Variants in TNS1 observed in about 807,000 individuals in gnomAD.
TNS1 encodes tensin-1.
In TNS1, 62 loss-of-function variants were observed where a neutral mutation model predicts 168.6. The observed-to-expected ratio is 0.37, with a 90% CI of 0.30 to 0.45. The LOEUF (loss-of-function observed/expected upper bound fraction) is 0.45, where lower values mean the gene tolerates loss of function less well. Among genes scored for constraint, TNS1 ranks in the 20% least tolerant of loss-of-function variants. The probability of loss-of-function intolerance (pLI) is 1.00; values close to 1 mark genes in which losing one functional copy is unlikely to be tolerated. For synonymous variants in TNS1, 934 were observed against 933.2 expected (o/e 1.00, Z -0.02); for missense variants, 2,240 against 2,339.4 (o/e 0.96, Z 0.88).
intron 23 of TNS1, among the ~76,000 whole-genome samples, chr2:217,820,390 G>A (rs997018792): frequency 6.6e-6 from 1 of 152,204 alleles, no homozygotes; most frequent in Non-Finnish European, 1.5e-5. Flanking sequence ...AACGCAGGCT[G>A]CTGCCTGTTA....
Position 217,848,725 on chromosome 2 carries a change from C to T in TNS1, c.1792G>A (p.Val598Met). The change falls in exon 19 of 33, where the codon GTG becomes ATG. Residue 598 changes from valine (V) to methionine (M), a missense_variant. By Grantham distance (21) the Val-to-Met change is conservative. Coordinates refer to ENST00000682258, the MANE Select transcript of TNS1 (RefSeq NM_001387777.1). Reference sequence around the variant, plus strand: ...ACAACGTGGCGTCCAGAGGAGGGCACAGCCGAGCCCCCTGCTGGGCGGGAC... The same window carrying T: ...ACAACGTGGCGTCCAGAGGAGGGCATAGCCGAGCCCCCTGCTGGGCGGGAC... ...LRSRPAGGSA[V>M]PSSGRHVVPA... is the part of the protein sequence containing the mutation. 6.2e-7 allele frequency: 1 copy of T among 1,614,230 alleles called. No individual in the cohort carries two copies. The highest frequency in any genetic ancestry group is 8.5e-7 in the Non-Finnish European group (1 of 1,180,036).
At chr2:217,926,902 G>T (rs184648336) in intron 3 of TNS1, among the ~76,000 whole-genome samples, 1 of 152,228 alleles carries the variant, frequency 6.6e-6, no homozygotes, top group African/African-American at 2.4e-5. Flanking sequence ...CACCTGTCAC[G>T]CTGCCTCTAC....
chr2:217,934,479 C>T (rs149233122), intron 3 of TNS1, among the ~76,000 whole-genome samples: 3 of 152,336 alleles, frequency 2.0e-5, no homozygotes, highest in Admixed American at 2.0e-4. Flanking sequence ...CCATTACTCA[C>T]AACTGTTACT....
Position 217,893,023 on chromosome 2 carries a change from C to T in TNS1, c.718-11G>A. ...CCTGCCTCGGTTTCCCTGAAAGAGC[C>T]CCAAACACAAAATCATTTATTTCTA... On this transcript the variant is annotated splice_polypyrimidine_tract_variant and intron_variant, in intron 10 of 32. Transcript: ENST00000682258. The T allele has an allele frequency of 1.2e-6, 2 of 1,614,008 alleles. No homozygotes were observed. Among genetic ancestry groups the T allele is most frequent in the Non-Finnish European group, 1.7e-6 (2 of 1,179,902 alleles).
chr2:217,891,142 G>T, intron 11 of TNS1, 97 bp from the exon 12 acceptor site: 1 of 1,160,630 alleles, frequency 8.6e-7, no homozygotes, highest in Non-Finnish European at 1.3e-6. Context: ...AGAGCACTCT[G>T]GCCAAAGAGC....
Position 217,803,516 on chromosome 2 carries a change from T to G in TNS1, c.*943A>C, listed in dbSNP as rs920645690. ...CTCAACAGCTGCCTGTTCTGACAGA[T>G]CTCTTCCTATGGATACACATATCTC... On this transcript the variant is annotated 3_prime_UTR_variant, in exon 33 of 33. Coordinates refer to ENST00000682258, the MANE Select transcript of TNS1 (RefSeq NM_001387777.1). The G allele has an allele frequency of 6.6e-6, 1 of 152,598 alleles. No individual in the cohort carries two copies. Among genetic ancestry groups the G allele is most frequent in the African/African-American group, 2.4e-5 (1 of 41,434 alleles). The allele number at this position is 152,598 out of a possible 1,614,324, so 9.5% of individuals were successfully genotyped here. A position where few individuals can be genotyped will look rare whatever the true frequency, so the allele number is the denominator to read the frequency against.
intron 5 of TNS1, among the ~76,000 whole-genome samples, chr2:217,906,745 C>T (rs1373487215): frequency 3.3e-5 from 5 of 152,162 alleles, no homozygotes; most frequent in African/African-American, 1.2e-4. Context: ...TGCTGGCCAT[C>T]GCCAGGAGAT....
intron 3 of TNS1, among the ~76,000 whole-genome samples, chr2:217,922,995 C>G (rs1443617186): frequency 6.6e-6 from 1 of 152,182 alleles, no homozygotes; most frequent in African/African-American, 2.4e-5. Context: ...TCTCCGGCAC[C>G]CTGGCCCCTG....
intron 13 of TNS1, 110 bp downstream of exon 13, chr2:217,886,424 T>C: frequency 1.1e-6 from 1 of 870,602 alleles, no homozygotes; most frequent in South Asian, 1.5e-5. Context: ...GCCTTATGAC[T>C]CTGCAGCTCT....
intron 1 of TNS1, among the ~76,000 whole-genome samples, chr2:218,022,288 T>C (rs1238508367): frequency 6.6e-6 from 1 of 152,008 alleles, no homozygotes; most frequent in East Asian, 1.9e-4. Flanking sequence ...GGAGAGTCAA[T>C]GTCCTGGCCC....
At chr2:217,809,349 A>G in intron 30 of TNS1, among the ~76,000 whole-genome samples, 1 of 52,112 alleles carries the variant, frequency 1.9e-5, no homozygotes, top group African/African-American at 1.0e-4. Flanking sequence ...GGATGGATGC[A>G]TGGATGGATG....
intron 3 of TNS1, among the ~76,000 whole-genome samples, chr2:217,955,203 C>T (rs1957332092): frequency 6.6e-6 from 1 of 152,224 alleles, no homozygotes; most frequent in South Asian, 2.1e-4. Flanking sequence ...GTGTCTCACC[C>T]CCGTGGGTTC....
intron 1 of TNS1, among the ~76,000 whole-genome samples, chr2:218,031,310 TGA>T (rs1958896217): frequency 7.0e-6 from 1 of 142,402 alleles, no homozygotes; most frequent in African/African-American, 2.8e-5. Flanking sequence ...TCTTTGTGTA[TGA>T]GTGTGGGTGT....
intron 12 of TNS1, chr2:217,890,675 C>T (rs1053903584): frequency 4.1e-6 from 2 of 486,868 alleles, no homozygotes; most frequent in Admixed American, 3.4e-5. Context: ...CCTAGACCAG[C>T]GCCTTCTTAT....
At chr2:217,965,714 G>A (rs996191849) in intron 3 of TNS1, among the ~76,000 whole-genome samples, 4 of 152,162 alleles carry the variant, frequency 2.6e-5, no homozygotes, top group African/African-American at 4.8e-5. Flanking sequence ...CCCGGGAGGC[G>A]GCCGTCCACC....
At chr2:217,830,951 C>A (rs1944335322) in intron 22 of TNS1, among the ~76,000 whole-genome samples, 1 of 152,080 alleles carries the variant, frequency 6.6e-6, no homozygotes, top group Non-Finnish European at 1.5e-5. Flanking sequence ...CTCTGAATGC[C>A]AGGTGATGCC....
rs1399854697 is a variant in TNS1 at position 217,869,543 on chromosome 2, A to AC, written c.1429+11354dup. Among the ~76,000 whole-genome samples the AC allele has an allele frequency of 2.6e-5, 4 of 151,888 alleles. No individual in the cohort carries two copies. In the East Asian group the frequency reaches 7.7e-4, roughly 29 times the overall value. ...TCAGAGCCAGGGGTGGCATCAACCC[A>AC]CCCCCACCTGCGTGGGACTCTGAGT... On this transcript the variant is annotated intron_variant, in intron 18 of 32. Transcript: ENST00000682258.
At chr2:217,854,547 A>G (rs1947898764) in intron 18 of TNS1, among the ~76,000 whole-genome samples, 1 of 152,212 alleles carries the variant, frequency 6.6e-6, no homozygotes, top group African/African-American at 2.4e-5. Flanking sequence ...GACAATAGGA[A>G]GAAGCACCGT....
At chr2:217,972,647 C>T (rs764259668) in intron 3 of TNS1, among the ~76,000 whole-genome samples, 10 of 152,206 alleles carry the variant, frequency 6.6e-5, no homozygotes, top group Non-Finnish European at 1.3e-4. Context: ...AAAGAGCCAC[C>T]CAAGAGGCTG....
Sources: gnomAD v4.1 joint callset for allele counts (sites outside exome capture counted in the v4.1 genomes callset) on GRCh38, gnomAD v4.1.1 for gene constraint, MANE v1.5 for transcripts, NCBI Gene and HGNC (gene_info 2026-07-23, HGNC 2026-07-21) for gene names.